Variants in RPS6KC1 observed in about 807,000 individuals in gnomAD.
The protein encoded by RPS6KC1 is ribosomal protein S6 kinase C1, also known as inactive ribosomal protein S6 kinase delta-1.
Under a neutral mutation model 103.8 loss-of-function variants are expected in RPS6KC1, and 54 were observed. That is an observed-to-expected ratio of 0.52 (90% CI 0.42 to 0.65). The LOEUF (loss-of-function observed/expected upper bound fraction) is 0.65, where lower values mean the gene tolerates loss of function less well. Among genes scored for constraint, RPS6KC1 ranks in the 30% least tolerant of loss-of-function variants. The probability of loss-of-function intolerance (pLI) is 0.00; values close to 1 mark genes in which losing one functional copy is unlikely to be tolerated. For synonymous variants in RPS6KC1, 439 were observed against 438.7 expected (o/e 1.00, Z -0.01); for missense variants, 1,151 against 1,253.8 (o/e 0.92, Z 1.24).
At chr1:213,165,538 C>T (rs555275499) in intron 6 of RPS6KC1, among the ~76,000 whole-genome samples, 18 of 152,324 alleles carry the variant, frequency 1.2e-4, no homozygotes, top group African/African-American at 4.1e-4. Flanking sequence ...ATTCTCCTGC[C>T]TCAGCCTCTT....
the RPS6KC1 span, among the ~76,000 whole-genome samples, chr1:213,739,707 G>T: frequency 6.6e-6 from 1 of 152,186 alleles, no homozygotes; most frequent in Non-Finnish European, 1.5e-5. Context: ...CTGAGTGCTA[G>T]AAGATAATGG....
intron 8 of RPS6KC1, among the ~76,000 whole-genome samples, chr1:213,193,621 T>C (rs2092830412): frequency 6.6e-6 from 1 of 151,978 alleles, no homozygotes; most frequent in Non-Finnish European, 1.5e-5. Flanking sequence ...TATTGAGGTC[T>C]ATAGTTTTTT....
At chr1:213,396,644 G>T in the RPS6KC1 span, among the ~76,000 whole-genome samples, 1 of 152,344 alleles carries the variant, frequency 6.6e-6, no homozygotes, top group East Asian at 1.9e-4. Flanking sequence ...AGAGGCTGCT[G>T]CCCCTTGAGC....
intron 3 of RPS6KC1, among the ~76,000 whole-genome samples, chr1:213,080,921 C>G (rs538999733): frequency 6.6e-6 from 1 of 152,324 alleles, no homozygotes; most frequent in African/African-American, 2.4e-5. Flanking sequence ...AGGTGGTATA[C>G]CACAATTACA....
the RPS6KC1 span, among the ~76,000 whole-genome samples, chr1:213,722,723 T>C: frequency 6.6e-6 from 1 of 152,110 alleles, no homozygotes. Context: ...GGAGCAGCTA[T>C]GAGAGGTGTC....
the RPS6KC1 span, among the ~76,000 whole-genome samples, chr1:213,416,844 G>A: frequency 6.6e-6 from 1 of 152,184 alleles, no homozygotes; most frequent in Non-Finnish European, 1.5e-5. Flanking sequence ...GTCTGCACAT[G>A]GTCATTCCTA....
chr1:213,751,267 C>A, the RPS6KC1 span, among the ~76,000 whole-genome samples: 3 of 152,050 alleles, frequency 2.0e-5, no homozygotes, highest in African/African-American at 7.2e-5. Context: ...GGAGAGCATG[C>A]ACAGAGTGTG....
chr1:213,791,881 C>T, the RPS6KC1 span, among the ~76,000 whole-genome samples: 3 of 152,128 alleles, frequency 2.0e-5, no homozygotes, highest in African/African-American at 4.8e-5. Context: ...ACCGAACTGT[C>T]GGCCAACCCT....
At chr1:213,682,398 T>C in the RPS6KC1 span, among the ~76,000 whole-genome samples, 1 of 152,258 alleles carries the variant, frequency 6.6e-6, no homozygotes. Flanking sequence ...TGTCACGTCT[T>C]CTGCCAGGCA....
chr1:213,069,599 G>A (rs1364257555), intron 1 of RPS6KC1, among the ~76,000 whole-genome samples: 1 of 152,120 alleles, frequency 6.6e-6, no homozygotes, highest in Non-Finnish European at 1.5e-5. Flanking sequence ...AGTTCATGGT[G>A]TATTGTCATT....
chr1:213,242,685 A>G (rs754291125), intron 12 of RPS6KC1, 27 bp downstream of exon 12: 29 of 1,558,200 alleles, frequency 1.9e-5, no homozygotes, highest in Non-Finnish European at 2.6e-5. Flanking sequence ...AAAATGTTTC[A>G]CTTGAAAAAG....
chr1:213,736,447 C>T, the RPS6KC1 span, among the ~76,000 whole-genome samples: 1 of 152,162 alleles, frequency 6.6e-6, no homozygotes, highest in Non-Finnish European at 1.5e-5. Flanking sequence ...TGCCAAGAGG[C>T]CTTTTCCAAC....
At chr1:213,325,275 T>C in the RPS6KC1 span, among the ~76,000 whole-genome samples, 1 of 152,186 alleles carries the variant, frequency 6.6e-6, no homozygotes, top group Non-Finnish European at 1.5e-5. Context: ...CCCTTCCTCT[T>C]TCGCTTTCTA....
At chr1:213,776,674 C>T in the RPS6KC1 span, among the ~76,000 whole-genome samples, 1 of 152,144 alleles carries the variant, frequency 6.6e-6, no homozygotes, top group Non-Finnish European at 1.5e-5. Flanking sequence ...CTTAAGTCAC[C>T]AGCTCCATTA....
the RPS6KC1 span, among the ~76,000 whole-genome samples, chr1:213,343,440 T>TATATATACACAC: frequency 3.5e-4 from 28 of 80,412 alleles, 2 homozygotes; most frequent in South Asian, 1.6e-3. Flanking sequence ...TATATATATA[T>TATATATACACAC]ACATACCATG....
At chr1:213,300,978 C>A in the RPS6KC1 span, among the ~76,000 whole-genome samples, 1 of 152,136 alleles carries the variant, frequency 6.6e-6, no homozygotes, top group African/African-American at 2.4e-5. Flanking sequence ...CACACTCCAC[C>A]CTCACCCTGC....
the RPS6KC1 span, among the ~76,000 whole-genome samples, chr1:213,458,538 A>C: frequency 6.6e-6 from 1 of 152,104 alleles, no homozygotes; most frequent in Non-Finnish European, 1.5e-5. Context: ...TGCTGGGTCA[A>C]ATGGTAGTTC....
rs371087365 is a variant in RPS6KC1, at chr1:213,221,216, A to T, written c.1045-9281A>T. Among the ~76,000 whole-genome samples the T allele has an allele frequency of 3.0e-4, 46 of 152,226 alleles. 2 individuals carry two copies. In the South Asian group the frequency reaches 8.7e-3, roughly 29 times the overall value. ...GACTTTTTTTTTTAATAGAAAGATCACATAATGGCTTAAGTATATTCCATT... is the reference window on the plus strand; with the variant it reads ...GACTTTTTTTTTTAATAGAAAGATCTCATAATGGCTTAAGTATATTCCATT... On this transcript the variant is annotated intron_variant, in intron 8 of 14. Coordinates refer to ENST00000366960, the MANE Select transcript of RPS6KC1 (RefSeq NM_012424.6).
chr1:213,112,543 CT>C lies in RPS6KC1; in HGVS notation c.379-4765del, dbSNP rs570534857. Among the ~76,000 whole-genome samples, 263 of 150,444 alleles carry C rather than the reference CT, an allele frequency of 1.7e-3. 6 individuals carry two copies. In the South Asian group the frequency reaches 0.039, roughly 23 times the overall value. Reference sequence around the variant, plus strand: ...ATATTGTATACAAGTGGTTCTCAAACTTTTTTTTTATTTTTATTTATTTATT... The same window carrying C: ...ATATTGTATACAAGTGGTTCTCAAACTTTTTTTTATTTTTATTTATTTATT... On this transcript the variant is annotated intron_variant, in intron 4 of 14. Transcript: ENST00000366960.
Sources: allele counts gnomAD v4.1 joint callset (sites outside exome capture counted in the v4.1 genomes callset), GRCh38; gene constraint gnomAD v4.1.1; transcripts MANE v1.5; gene names NCBI Gene and HGNC (gene_info 2026-07-23, HGNC 2026-07-21).